The following GOLGA1 variants were observed in gnomAD, a reference collection of about 807,000 sequenced individuals.
GOLGA1 encodes golgin A1.
Under a neutral mutation model 119.7 loss-of-function variants are expected in GOLGA1, and 63 were observed. That is an observed-to-expected ratio of 0.53 (90% confidence interval 0.43 to 0.65). GOLGA1 has a LOEUF of 0.65. Among genes scored for constraint, GOLGA1 ranks in the 30% least tolerant of loss-of-function variants. GOLGA1 has a pLI of 0.00. For synonymous variants in GOLGA1, 318 were observed against 333.4 expected, an observed-to-expected ratio of 0.95 and a Z score of 0.50; for missense variants, 798 against 912.8, an observed-to-expected ratio of 0.87 and a Z score of 1.62.
At chr9:124,923,019 T>TA in intron 8 of GOLGA1, 76 bp downstream of exon 8, 1 of 910,654 alleles carries the variant, frequency 1.1e-6, no homozygotes, top group South Asian at 1.5e-5. Flanking sequence ...TATCAGCAAT[T>TA]AGAGAGTGAT....
chr9:124,883,043 G>T (rs1829627620), intron 19 of GOLGA1, among the ~76,000 whole-genome samples: 1 of 152,154 alleles, frequency 6.6e-6, no homozygotes, highest in Non-Finnish European at 1.5e-5. Flanking sequence ...ACCCTAAAAA[G>T]ATCATGGTTT....
chr9:124,905,205 T>C (rs1432691729), intron 12 of GOLGA1, among the ~76,000 whole-genome samples: 2 of 151,690 alleles, frequency 1.3e-5, no homozygotes, highest in African/African-American at 4.8e-5. Flanking sequence ...TATGGTGCTG[T>C]ATTCCCAGTA....
chr9:124,888,484 C>T lies in GOLGA1; in HGVS notation c.1762-88G>A. 8.1e-7 allele frequency: 1 copy of T among 1,229,094 alleles called. No homozygotes were observed. The highest frequency in any genetic ancestry group is 1.3e-5 in the South Asian group (1 of 77,872). 76.1% of individuals were successfully genotyped at this position (1,229,094 alleles called of 1,614,324 possible). A position where few individuals can be genotyped will look rare whatever the true frequency, so the allele number is the denominator to read the frequency against. On this transcript the variant is annotated intron_variant, in intron 18 of 22. Transcript: ENST00000373555. The surrounding 1 kb of genome is among the most constrained non-coding windows in gnomAD (Gnocchi z 4.4). ...CACAGGGAAGGGGAGCTAGACTCGTCCCTTAGGTATGGGCGTTGTGCTCCA... is the reference window on the plus strand; with the variant it reads ...CACAGGGAAGGGGAGCTAGACTCGTTCCTTAGGTATGGGCGTTGTGCTCCA...
upstream of GOLGA1, chr9:124,944,774 C>T (rs927532519): frequency 3.3e-5 from 5 of 152,102 alleles, no homozygotes; most frequent in African/African-American, 1.2e-4. Flanking sequence ...CTTATTCATA[C>T]TGATTTCATG....
At position 124,897,596 on chromosome 9, in the gene GOLGA1, C is replaced by G. The variant is rs374179892; in HGVS notation, c.1407+953G>C. Among the ~76,000 whole-genome samples, 22 of 152,340 alleles carry G rather than the reference C, an allele frequency of 1.4e-4. No individual in the cohort carries two copies. The East Asian group carries it at 3.9e-3, about 27-fold the overall frequency. ...CCTCAGGTGATCCACCCACCCTGGCCTCTCAAAGTGCTAGGATTAGAGGCG... is the reference window on the plus strand; with the variant it reads ...CCTCAGGTGATCCACCCACCCTGGCGTCTCAAAGTGCTAGGATTAGAGGCG... On this transcript the variant is annotated intron_variant, in intron 15 of 22. Coordinates refer to ENST00000373555, the MANE Select transcript of GOLGA1 (RefSeq NM_002077.4).
Position 124,889,236 on chromosome 9 carries a change from C to G in GOLGA1, c.1668G>C (p.Lys556Asn), listed in dbSNP as rs1564322836. The G allele has an allele frequency of 6.2e-7, 1 of 1,613,882 alleles. No individual in the cohort carries two copies. ...QAELEALRTL[K>N]AEEAAVVAEQ... Reference sequence around the variant, plus strand: ...CCGCGACCACTGCAGCCTCCTCCGCCTTGAGGGTCCTCAGGGCCTCCAGCT... The same window carrying G: ...CCGCGACCACTGCAGCCTCCTCCGCGTTGAGGGTCCTCAGGGCCTCCAGCT... The change falls in exon 18 of 23, where the codon AAG becomes AAC. Residue 556 changes from lysine to asparagine, a missense_variant. Lys to Asn is a moderately conservative substitution (Grantham distance 94). Coordinates refer to ENST00000373555, the MANE Select transcript of GOLGA1 (RefSeq NM_002077.4).
Position 124,921,122 on chromosome 9 carries a change from T to G in GOLGA1, c.843+7A>C. On this transcript the variant is annotated splice_region_variant and intron_variant, in intron 10 of 22. Transcript: ENST00000373555. ...AAATCCAGGTCTTCTCCTCATATTC[T>G]ACTTACCTTTTGCAAATCAATGGAA... is the stretch of plus-strand genomic sequence containing the variant. The G allele has an allele frequency of 1.3e-6, 2 of 1,506,594 alleles. No homozygotes were observed. The highest frequency in any genetic ancestry group is 1.8e-6 in the Non-Finnish European group (2 of 1,081,994). The allele number at this position is 1,506,594 out of a possible 1,614,324, so 93.3% of individuals were successfully genotyped here.
intron 10 of GOLGA1, among the ~76,000 whole-genome samples, chr9:124,917,355 A>C (rs1830468299): frequency 6.6e-6 from 1 of 152,184 alleles, no homozygotes; most frequent in East Asian, 1.9e-4. Flanking sequence ...ATACTCAATA[A>C]AGACAAGAAA....
Position 124,929,507 on chromosome 9 carries a change from A to G in GOLGA1, c.227-217T>C, listed in dbSNP as rs907378692. Among the ~76,000 whole-genome samples the G allele has an allele frequency of 2.0e-5, 3 of 152,112 alleles. No homozygotes were observed. The Admixed American group carries it at 2.0e-4, about 10-fold the overall frequency. ...CATGGTGTATAAATGGTGAGTACAA[A>G]AAGGCAAGTTTGTTTAGCCTTGATA... On this transcript the variant is annotated intron_variant, in intron 4 of 22. Coordinates refer to ENST00000373555, the MANE Select transcript of GOLGA1 (RefSeq NM_002077.4).
At chr9:124,882,420 T>C (rs1369532694) in intron 20 of GOLGA1, 90 bp downstream of exon 20, 83 of 891,208 alleles carry the variant, frequency 9.3e-5, no homozygotes, top group Non-Finnish European at 5.3e-5. Flanking sequence ...GGAGGGAGCA[T>C]AGTCAGGCGG....
Position 124,911,907 on chromosome 9 carries a change from CAGG to C in GOLGA1, c.960_962del (p.Leu321del). ...CAAAGAGAACAGAAGTTACCTCTTTCAGGAGTTCTTGCAAGTGTTCTTCTCCTG... is the reference window on the plus strand; with the variant it reads ...CAAAGAGAACAGAAGTTACCTCTTTCAGTTCTTGCAAGTGTTCTTCTCCTG... On this transcript the variant is annotated inframe_deletion, in exon 11 of 23. Transcript: ENST00000373555. The C allele has an allele frequency of 6.2e-7, 1 of 1,612,590 alleles. No individual in the cohort carries two copies. The highest frequency in any genetic ancestry group is 1.1e-5 in the South Asian group (1 of 90,980).
chr9:124,926,387 C>G (rs765324237), intron 7 of GOLGA1, among the ~76,000 whole-genome samples: 51 of 152,158 alleles, frequency 3.4e-4, no homozygotes, highest in Admixed American at 1.2e-3. Flanking sequence ...ATGGTTCTTT[C>G]AGGGTTCCCC....
chr9:124,916,764 T>C (rs1255003440), intron 10 of GOLGA1, among the ~76,000 whole-genome samples: 1 of 149,368 alleles, frequency 6.7e-6, no homozygotes, highest in South Asian at 2.1e-4. Context: ...TAGTCCCAGA[T>C]ATATGGGAGG....
intron 5 of GOLGA1, among the ~76,000 whole-genome samples, chr9:124,928,953 C>A (rs1414781250): frequency 1.3e-5 from 2 of 152,062 alleles, no homozygotes; most frequent in Non-Finnish European, 2.9e-5. Context: ...CTGAGGGTAG[C>A]CTAAATAAAG....
chr9:124,915,398 G>T (rs1366860873), intron 10 of GOLGA1, among the ~76,000 whole-genome samples: 2 of 152,140 alleles, frequency 1.3e-5, no homozygotes, highest in Non-Finnish European at 2.9e-5. Context: ...ATTCACTAAT[G>T]ATTATTTATG....
At chr9:124,884,869 CA>C (rs1405757095) in intron 19 of GOLGA1, among the ~76,000 whole-genome samples, 1 of 152,032 alleles carries the variant, frequency 6.6e-6, no homozygotes, top group Admixed American at 6.6e-5. Context: ...GAAACGGCAA[CA>C]AAAAAGTCAA....
intron 16 of GOLGA1, 30 bp downstream of exon 16, chr9:124,890,359 C>T (rs1271591254): frequency 3.5e-6 from 5 of 1,434,550 alleles, no homozygotes; most frequent in African/African-American, 2.8e-5. Context: ...TGCAGGGGGA[C>T]ATCGCCCCTC....
chr9:124,924,899 G>A (rs1166458748), intron 7 of GOLGA1, among the ~76,000 whole-genome samples: 2 of 151,484 alleles, frequency 1.3e-5, no homozygotes, highest in Non-Finnish European at 2.9e-5. Flanking sequence ...CTAACACAGT[G>A]AAACCCTGTC....
At chr9:124,929,715 G>C (rs1830739780) in intron 4 of GOLGA1, among the ~76,000 whole-genome samples, 2 of 152,300 alleles carry the variant, frequency 1.3e-5, no homozygotes, top group South Asian at 2.1e-4. Flanking sequence ...AGGAACAGTA[G>C]TTAGGGCAAT....
Sources: allele counts gnomAD v4.1 joint callset (sites outside exome capture counted in the v4.1 genomes callset), GRCh38; gene constraint gnomAD v4.1.1; non-coding constraint Gnocchi (gnomAD v3.1); transcripts MANE v1.5; gene names NCBI Gene and HGNC (gene_info 2026-07-23, HGNC 2026-07-21).